The following SAMMSON variants were observed in gnomAD, a reference collection of about 807,000 sequenced individuals.
The protein encoded by SAMMSON is long intergenic non-protein coding RNA 1212.
intron 7 of SAMMSON, among the ~76,000 whole-genome samples, chr3:70,351,363 T>C (rs559470336): frequency 6.6e-6 from 1 of 152,090 alleles, no homozygotes; most frequent in Non-Finnish European, 1.5e-5. Context: ...TGCAAGGTTC[T>C]ATAGTAAAAA....
At chr3:70,015,718 C>T (rs1442675416) in intron 3 of SAMMSON, among the ~76,000 whole-genome samples, 1 of 151,894 alleles carries the variant, frequency 6.6e-6, no homozygotes, top group African/African-American at 2.4e-5. Context: ...TCCCCGCTTC[C>T]CCACCCCACG....
At chr3:70,039,881 G>C (rs2067100215) in intron 3 of SAMMSON, among the ~76,000 whole-genome samples, 1 of 152,144 alleles carries the variant, frequency 6.6e-6, no homozygotes, top group Non-Finnish European at 1.5e-5. Flanking sequence ...AGTGCTTGAA[G>C]AATGCTAGAG....
chr3:70,260,583 T>G (rs1380916594), intron 6 of SAMMSON, among the ~76,000 whole-genome samples: 2 of 152,000 alleles, frequency 1.3e-5, no homozygotes, highest in Non-Finnish European at 2.9e-5. Context: ...TCTGCATATT[T>G]TATTTATTTA....
chr3:70,014,945 C>G (rs2066975704), intron 3 of SAMMSON: 1 of 152,044 alleles, frequency 6.6e-6, no homozygotes, highest in Admixed American at 6.6e-5. Flanking sequence ...CTTATGTTAC[C>G]AATCAACATA....
At chr3:70,023,960 C>G (rs545863245) in intron 3 of SAMMSON, among the ~76,000 whole-genome samples, 2 of 152,130 alleles carry the variant, frequency 1.3e-5, no homozygotes, top group Non-Finnish European at 2.9e-5. Flanking sequence ...TTCCTTCTGC[C>G]TGTCTCCAGC....
chr3:70,012,540 C>T (rs2066962345), exon 2 of SAMMSON: 1 of 152,122 alleles, frequency 6.6e-6, no homozygotes, highest in African/African-American at 2.4e-5. Flanking sequence ...CCACTAGAGC[C>T]TCCAGAAGGA....
At chr3:70,392,672 G>C (rs78809794), downstream of SAMMSON, among the ~76,000 whole-genome samples, 2 of 152,156 alleles carry the variant, frequency 1.3e-5, no homozygotes, top group East Asian at 3.9e-4. Context: ...CTCTACCATC[G>C]ACTTTGCGAC....
intron 6 of SAMMSON, among the ~76,000 whole-genome samples, chr3:70,286,869 G>T (rs1235656962): frequency 6.6e-6 from 1 of 151,876 alleles, no homozygotes; most frequent in Non-Finnish European, 1.5e-5. Flanking sequence ...GTCTGTTGTT[G>T]GTGTATAAGA....
intron 2 of SAMMSON, among the ~76,000 whole-genome samples, chr3:70,431,435 T>C (rs767609185): frequency 6.6e-6 from 1 of 151,948 alleles, no homozygotes; most frequent in Non-Finnish European, 1.5e-5. Flanking sequence ...TATATTAATA[T>C]AGAATGAAAC....
chr3:70,133,672 T>C (rs2067493170), intron 4 of SAMMSON, among the ~76,000 whole-genome samples: 1 of 152,054 alleles, frequency 6.6e-6, no homozygotes, highest in African/African-American at 2.4e-5. Context: ...TGTCTCCACA[T>C]AGATAGTCTC....
chr3:70,107,628 A>C (rs900079479), intron 4 of SAMMSON, among the ~76,000 whole-genome samples: 4 of 144,162 alleles, frequency 2.8e-5, no homozygotes, highest in African/African-American at 7.7e-5. Flanking sequence ...AATTTGAATT[A>C]TTTGTGTGTG....
intron 4 of SAMMSON, among the ~76,000 whole-genome samples, chr3:70,203,868 C>G (rs1202407642): frequency 2.0e-5 from 3 of 152,040 alleles, no homozygotes; most frequent in African/African-American, 7.2e-5. Context: ...GAGAAGCTTT[C>G]ACAATCAGAA....
chr3:70,255,696 T>C (rs1701809325), intron 6 of SAMMSON, among the ~76,000 whole-genome samples: 1 of 152,074 alleles, frequency 6.6e-6, no homozygotes, highest in South Asian at 2.1e-4. Flanking sequence ...TGGGCTCAAG[T>C]ATTCCCTCAA....
intron 4 of SAMMSON, among the ~76,000 whole-genome samples, chr3:70,119,251 G>C (rs955978990): frequency 6.6e-6 from 1 of 152,002 alleles, no homozygotes; most frequent in Non-Finnish European, 1.5e-5. Context: ...ATTTTTAGTA[G>C]AGACAGGGTT....
chr3:70,133,640 C>G (rs773141320), intron 4 of SAMMSON, among the ~76,000 whole-genome samples: 2 of 152,038 alleles, frequency 1.3e-5, no homozygotes. Context: ...GGAATGAGCT[C>G]TTAACCTGTG....
At chr3:70,039,562 C>T (rs553885691) in intron 3 of SAMMSON, among the ~76,000 whole-genome samples, 2 of 148,058 alleles carry the variant, frequency 1.4e-5, no homozygotes, top group African/African-American at 2.5e-5. Context: ...TAATTGCAAT[C>T]GTGTGATCCA....
At chr3:70,242,206 C>A (rs1399846977) in intron 4 of SAMMSON, among the ~76,000 whole-genome samples, 1 of 152,072 alleles carries the variant, frequency 6.6e-6, no homozygotes, top group Non-Finnish European at 1.5e-5. Context: ...TCTTTCCAAC[C>A]TTTTTTATAT....
At chr3:70,170,579 C>CTTTT (rs538385626) in intron 4 of SAMMSON, among the ~76,000 whole-genome samples, 59 of 105,492 alleles carry the variant, frequency 5.6e-4, no homozygotes, top group South Asian at 9.6e-4. Context: ...CTAGATTTTC[C>CTTTT]TTTTTTTTTT....
intron 4 of SAMMSON, among the ~76,000 whole-genome samples, chr3:70,088,547 T>C (rs1223589957): frequency 6.6e-6 from 1 of 152,198 alleles, no homozygotes; most frequent in African/African-American, 2.4e-5. Context: ...AAAGCCCATG[T>C]ATAAATTGGC....
Sources: gnomAD v4.1 joint callset for allele counts (sites outside exome capture counted in the v4.1 genomes callset) on GRCh38, gnomAD v4.1.1 for gene constraint, MANE v1.5 for transcripts, NCBI Gene and HGNC (gene_info 2026-07-23, HGNC 2026-07-21) for gene names.